Variants in MCM9 observed in about 807,000 individuals in gnomAD.
MCM9 encodes minichromosome maintenance 9 homologous recombination repair factor.
MCM9 carries 55 observed loss-of-function variants against 72.8 expected under a neutral mutation model. The ratio of observed to expected loss-of-function variants is 0.76; its 90% CI spans 0.61 to 0.95. MCM9 has a LOEUF of 0.95. Ranked by LOEUF, MCM9 falls within the 40% of genes least tolerant of loss-of-function variation. The pLI, the probability that MCM9 is intolerant of heterozygous loss-of-function variation, is 0.00. For missense variants in MCM9, 1,279 were observed against 1,377.0 expected (o/e 0.93, Z 1.13); for synonymous variants, 480 against 503.4 (o/e 0.95, Z 0.62).
chr6:118,816,348 T>G (rs775152084), intron 13 of MCM9, 54 bp from the exon 14 acceptor site: 2 of 1,410,048 alleles, frequency 1.4e-6, no homozygotes, highest in Non-Finnish European at 1.9e-6. Flanking sequence ...GAATTTGTGC[T>G]AACCTATTCA....
In MCM9 at chr6:118,826,836, A is replaced by G; in HGVS notation, c.1761T>C (p.Thr587=). Residue 587 remains threonine, a synonymous_variant, in exon 12 of 14, where the codon ACT becomes ACC. Coordinates refer to ENST00000619706, the MANE Select transcript of MCM9 (RefSeq NM_017696.3). Reference sequence around the variant, plus strand: ...CCGTAATAGCGTCTTCCAGAGTTACAGTATCACGAAACATCAGGCGAGCAT... The same window carrying G: ...CCGTAATAGCGTCTTCCAGAGTTACGGTATCACGAAACATCAGGCGAGCAT... ...EAHARLMFRD[T]VTLEDAITVV... The G allele has an allele frequency of 6.4e-7, 1 of 1,550,478 alleles. No homozygotes were observed. The highest frequency in any genetic ancestry group is 8.7e-7 in the Non-Finnish European group (1 of 1,146,940).
chr6:118,850,536 A>G (rs779592473), intron 9 of MCM9, among the ~76,000 whole-genome samples: 40 of 151,990 alleles, frequency 2.6e-4, no homozygotes, highest in Non-Finnish European at 5.0e-4. Context: ...GCTGGAATTT[A>G]TTCTAGGTCT....
At chr6:118,867,465 G>C (rs1027774781) in intron 8 of MCM9, among the ~76,000 whole-genome samples, 3 of 152,142 alleles carry the variant, frequency 2.0e-5, no homozygotes, top group Admixed American at 6.5e-5. Context: ...CTCACTCACT[G>C]ACTAATCCAG....
At chr6:118,882,451 T>C (rs1219128987) in intron 8 of MCM9, among the ~76,000 whole-genome samples, 1 of 152,158 alleles carries the variant, frequency 6.6e-6, no homozygotes, top group African/African-American at 2.4e-5. Context: ...TAGTTTACCA[T>C]AGAGAACCAG....
chr6:118,858,768 A>C (rs1223092888), intron 8 of MCM9, among the ~76,000 whole-genome samples: 1 of 152,170 alleles, frequency 6.6e-6, no homozygotes, highest in Non-Finnish European at 1.5e-5. Context: ...AATCATGACA[A>C]CCAAATTGAG....
At chr6:118,890,166 C>G (rs1292356067) in intron 8 of MCM9, among the ~76,000 whole-genome samples, 2 of 152,138 alleles carry the variant, frequency 1.3e-5, no homozygotes, top group Non-Finnish European at 2.9e-5. Flanking sequence ...ATTAATGGAG[C>G]TTTGTTCCTC....
chr6:118,899,518 T>C (rs1779663285), intron 8 of MCM9, among the ~76,000 whole-genome samples: 1 of 152,142 alleles, frequency 6.6e-6, no homozygotes, highest in African/African-American at 2.4e-5. Context: ...ACAGATGATC[T>C]CAGGAGATGT....
intron 8 of MCM9, chr6:118,900,693 TAAA>T (rs1779748650): frequency 1.8e-6 from 2 of 1,096,314 alleles, no homozygotes; most frequent in Admixed American, 3.4e-5. Flanking sequence ...AAGTGGACAT[TAAA>T]AGGGTCTTTG....
chr6:118,900,750 G>C, intron 8 of MCM9: 1 of 1,522,316 alleles, frequency 6.6e-7, no homozygotes. Context: ...ATAATGCTTT[G>C]GTTTTTTAAC....
intron 9 of MCM9, among the ~76,000 whole-genome samples, chr6:118,845,593 T>C (rs1013045394): frequency 1.3e-5 from 2 of 151,888 alleles, no homozygotes; most frequent in African/African-American, 4.9e-5. Context: ...GCTCTTGATG[T>C]TTCCTGAACT....
At chr6:118,931,345 G>C (rs1782409455) in intron 3 of MCM9, 75 bp downstream of exon 3, 1 of 1,138,664 alleles carries the variant, frequency 8.8e-7, no homozygotes, top group Admixed American at 2.5e-5. Context: ...TTATTTCTTA[G>C]TGTTCTAAAT....
In MCM9 at chr6:118,815,973, CACA is replaced by C. The variant is rs1562395990; in HGVS notation, c.2280_2282del (p.Val761del). The C allele has an allele frequency of 1.3e-6, 2 of 1,550,496 alleles. No homozygotes were observed. The highest frequency in any genetic ancestry group is 1.7e-6 in the Non-Finnish European group (2 of 1,146,950). ...CTCCAGATGTTTTGGGATGAGGAGA[CACA>C]ACAACAGTGTTTTTAGGTTCACTCT... On this transcript the variant is annotated inframe_deletion, in exon 14 of 14. Transcript: ENST00000619706.
intron 13 of MCM9, among the ~76,000 whole-genome samples, chr6:118,822,997 G>A (rs1773916080): frequency 6.6e-6 from 1 of 152,152 alleles, no homozygotes; most frequent in Non-Finnish European, 1.5e-5. Context: ...ACTTCAGAAT[G>A]GTGTGCTGGC....
Position 118,849,373 on chromosome 6 carries a change from A to G in MCM9, c.1325+6998T>C, listed in dbSNP as rs553816686. Among the ~76,000 whole-genome samples the G allele has an allele frequency of 1.1e-4, 16 of 151,940 alleles. No individual in the cohort carries two copies. The East Asian group carries it at 3.1e-3, about 29-fold the overall frequency. ...ACTCTTGGTCTAAAATGCATCAAAC[A>G]AACAAAAGGTAAGTAAGGATATAGA... On this transcript the variant is annotated intron_variant, in intron 9 of 13. Transcript: ENST00000619706.
intron 9 of MCM9, among the ~76,000 whole-genome samples, chr6:118,847,806 GAAAAA>G: frequency 1.3e-5 from 2 of 151,682 alleles, no homozygotes; most frequent in South Asian, 4.1e-4. Context: ...AAAGATAAAG[GAAAAA>G]ACCCTCTGGG....
chr6:118,826,336 G>A lies in MCM9; in HGVS notation c.1816-44C>T, dbSNP rs1487739909. On this transcript the variant is annotated intron_variant, in intron 12 of 13. Transcript: ENST00000619706. ...ACCAGGAGAGTCACCAGGCCAGCCT[G>A]CATAGCGGTAAGTACACTCTAGGGA... is the stretch of plus-strand genomic sequence containing the variant. The A allele has an allele frequency of 2.6e-6, 4 of 1,533,210 alleles. No individual in the cohort carries two copies. In the African/African-American group the frequency reaches 4.1e-5, roughly 16 times the overall value. 95.0% of individuals were successfully genotyped at this position (1,533,210 alleles called of 1,614,324 possible). A position where few individuals can be genotyped will look rare whatever the true frequency, so the allele number is the denominator to read the frequency against.
At chr6:118,822,810 G>T (rs1373057378) in intron 13 of MCM9, among the ~76,000 whole-genome samples, 1 of 152,136 alleles carries the variant, frequency 6.6e-6, no homozygotes, top group Non-Finnish European at 1.5e-5. Flanking sequence ...GAGATGCCCT[G>T]CCCAGTGAAG....
chr6:118,924,925 C>T (rs111227685), intron 3 of MCM9, among the ~76,000 whole-genome samples: 4 of 152,012 alleles, frequency 2.6e-5, no homozygotes, highest in African/African-American at 9.6e-5. Flanking sequence ...ATGCCTATAG[C>T]CCCAGCAACT....
At chr6:118,896,062 CTATA>C (rs1357529767) in intron 8 of MCM9, among the ~76,000 whole-genome samples, 3 of 147,600 alleles carry the variant, frequency 2.0e-5, no homozygotes, top group Non-Finnish European at 4.5e-5. Flanking sequence ...TTTTTTAAAC[CTATA>C]TAGAGCATAA....
Sources: gnomAD v4.1 joint callset for allele counts (sites outside exome capture counted in the v4.1 genomes callset) on GRCh38, gnomAD v4.1.1 for gene constraint, MANE v1.5 for transcripts, NCBI Gene and HGNC (gene_info 2026-07-23, HGNC 2026-07-21) for gene names.